FLNB: variants seen among roughly 807,000 people sequenced by gnomAD.
FLNB encodes filamin-B.
FLNB carries 111 observed loss-of-function variants against 250.6 expected under a neutral mutation model. That is an observed-to-expected ratio of 0.44 (90% CI 0.38 to 0.52). FLNB has a LOEUF of 0.52. FLNB is among the 20% of genes least tolerant of loss of function. The pLI, the probability that FLNB is intolerant of heterozygous loss-of-function variation, is 0.00. For synonymous variants in FLNB, 1,302 were observed against 1,372.1 expected (o/e 0.95, Z 1.13); for missense variants, 2,869 against 3,447.8 (o/e 0.83, Z 4.20).
At position 58,149,977 on chromosome 3, in the gene FLNB, C is replaced by G. The variant is rs1176979565; in HGVS notation, c.6219C>G (p.Thr2073=). The change falls in exon 37 of 46, where the codon ACC becomes ACG. Residue 2073 remains threonine (T), a synonymous_variant. Coordinates refer to ENST00000295956, the MANE Select transcript of FLNB (RefSeq NM_001457.4). ...TGCCTGGGGTTTATATCGTCTCCAC[C>G]AAATTCGCTGACGAGCACGTGCCTG... ...PTVPGVYIVS[T]KFADEHVPGS... is the part of the protein sequence containing the mutation. The G allele has an allele frequency of 7.4e-6, 12 of 1,614,266 alleles. No individual in the cohort carries two copies. Among genetic ancestry groups the G allele is most frequent in the Non-Finnish European group, 1.0e-5 (12 of 1,180,056 alleles).
At chr3:58,156,156 C>T (rs2097353080) in intron 41 of FLNB, 81 bp downstream of exon 41, 3 of 1,035,798 alleles carry the variant, frequency 2.9e-6, no homozygotes, top group African/African-American at 3.1e-5. Flanking sequence ...CTTCAATGTC[C>T]CCTTAGGTGC....
chr3:58,168,911 T>C (rs925072869), intron 44 of FLNB: 7 of 494,692 alleles, frequency 1.4e-5, no homozygotes, highest in African/African-American at 1.4e-4. Flanking sequence ...AAAGAATACA[T>C]ATTGAAATCT....
chr3:58,025,133 C>CTTTTTT (rs57706596), intron 1 of FLNB, among the ~76,000 whole-genome samples: 152 of 116,476 alleles, frequency 1.3e-3, no homozygotes, highest in Middle Eastern at 5.2e-3. Context: ...TTCTTTCTTT[C>CTTTTTT]TTTTTTTTTT....
intron 1 of FLNB, among the ~76,000 whole-genome samples, chr3:58,049,373 G>A (rs1002386767): frequency 1.3e-5 from 2 of 152,100 alleles, no homozygotes; most frequent in Non-Finnish European, 2.9e-5. Flanking sequence ...GCACTGGGGT[G>A]GGGGTTAGAT....
At chr3:58,012,295 T>G (rs927838811) in intron 1 of FLNB, among the ~76,000 whole-genome samples, 2 of 151,914 alleles carry the variant, frequency 1.3e-5, no homozygotes, top group Admixed American at 6.6e-5. Context: ...AGCCTGGTTG[T>G]TTGTTTCTGT....
chr3:58,082,813 G>T (rs1413109287), intron 4 of FLNB, among the ~76,000 whole-genome samples: 2 of 151,932 alleles, frequency 1.3e-5, no homozygotes, highest in Middle Eastern at 3.2e-3. Flanking sequence ...ATCCCAGTGG[G>T]ATAATAGTTA....
chr3:58,150,067 C>G, intron 37 of FLNB, 38 bp from the exon 38 acceptor site: 2 of 1,614,284 alleles, frequency 1.2e-6, no homozygotes, highest in Non-Finnish European at 1.7e-6. Flanking sequence ...GTGCCTTGGC[C>G]TCTGGCCTGC....
Position 58,081,764 on chromosome 3 carries a change from G to T in FLNB, c.775G>T (p.Ala259Ser), listed in dbSNP as rs1432733529. Reference sequence around the variant, plus strand: ...CAAACTCAACCCGAAGAAAGCCAGGGCCTATGGCAGAGGTGAGTGCTGGTC... The same window carrying T: ...CAAACTCAACCCGAAGAAAGCCAGGTCCTATGGCAGAGGTGAGTGCTGGTC... The part of the protein sequence containing the change: ...KPKLNPKKAR[A>S]YGRGIEPTGN... The change falls in exon 4 of 46, where the codon GCC becomes TCC. Residue 259 changes from alanine to serine, a missense_variant. Ala to Ser is a moderately conservative substitution (Grantham distance 99). Transcript: ENST00000295956. The T allele has an allele frequency of 1.4e-5, 22 of 1,614,130 alleles. No individual in the cohort carries two copies. Among genetic ancestry groups the T allele is most frequent in the Non-Finnish European group, 1.9e-5 (22 of 1,180,012 alleles).
At chr3:58,021,996 C>T (rs964451258) in intron 1 of FLNB, among the ~76,000 whole-genome samples, 14 of 152,156 alleles carry the variant, frequency 9.2e-5, no homozygotes, top group Admixed American at 7.9e-4. Context: ...TGGTCTTGAA[C>T]TCCTGGGCTC....
intron 1 of FLNB, among the ~76,000 whole-genome samples, chr3:58,050,263 C>T (rs746968067): frequency 2.0e-5 from 3 of 151,972 alleles, no homozygotes; most frequent in African/African-American, 7.2e-5. Flanking sequence ...CTCTTGACCT[C>T]GTTATCCACC....
intron 1 of FLNB, among the ~76,000 whole-genome samples, chr3:58,017,252 T>A (rs2097106971): frequency 2.0e-5 from 3 of 152,144 alleles, no homozygotes; most frequent in African/African-American, 7.2e-5. Context: ...CTATTCTATT[T>A]TTATTATTAT....
chr3:58,143,960 G>T (rs1229259887), intron 32 of FLNB, among the ~76,000 whole-genome samples: 1 of 152,168 alleles, frequency 6.6e-6, no homozygotes, highest in Non-Finnish European at 1.5e-5. Context: ...TGGGCTGGAG[G>T]CTTGGGGCCA....
intron 1 of FLNB, among the ~76,000 whole-genome samples, 160 bp from the exon 2 acceptor site, chr3:58,076,886 T>C (rs2097202494): frequency 6.6e-6 from 1 of 152,230 alleles, no homozygotes. Context: ...GTTTTTGTCC[T>C]CAAATGTTTT....
chr3:58,010,419 GGCAGCC>G (rs374216105), intron 1 of FLNB, among the ~76,000 whole-genome samples: 10 of 152,234 alleles, frequency 6.6e-5, no homozygotes, highest in African/African-American at 1.4e-4. Context: ...GGGCCCAGAT[GGCAGCC>G]GCACCACCCA....
intron 3 of FLNB, among the ~76,000 whole-genome samples, chr3:58,081,143 ATT>A (rs1460116859): frequency 1.3e-5 from 2 of 151,732 alleles, no homozygotes; most frequent in Admixed American, 1.3e-4. Context: ...CATATCTAAT[ATT>A]TACATGTTAT....
chr3:58,170,711 G>T lies in FLNB; in HGVS notation c.7758G>T (p.Lys2586Asn), dbSNP rs899257658. The change falls in exon 46 of 46, where the codon AAG becomes AAT. Residue 2586 changes from lysine (K) to asparagine (N), a missense_variant. Around this residue, in one of 5 missense-constraint regions of FLNB, gnomAD observed 1,084 missense variants for 1,315.5 expected, o/e 0.82. Transcript: ENST00000295956. Reference sequence around the variant, plus strand: ...GGGGCGATTATGTGCTGGCTGTGAAGTGGGGGGAGGAACACATCCCTGGCA... The same window carrying T: ...GGGGCGATTATGTGCTGGCTGTGAATTGGGGGGAGGAACACATCCCTGGCA... ...KERGDYVLAV[K>N]WGEEHIPGSP... The T allele has an allele frequency of 6.2e-7, 1 of 1,614,208 alleles. No individual in the cohort carries two copies. Among genetic ancestry groups the T allele is most frequent in the South Asian group, 1.1e-5 (1 of 91,078 alleles).
In FLNB at chr3:58,134,613, A is replaced by C; in HGVS notation, c.4515-3A>C. On this transcript the variant is annotated splice_region_variant and splice_polypyrimidine_tract_variant and intron_variant, in intron 26 of 45. Transcript: ENST00000295956. ...TAGGGTGTGTGTGTGTGTGTCTATC[A>C]AGTCCCTTCAAGGTCAAGGTCCTTC... is the stretch of plus-strand genomic sequence containing the variant. The C allele has an allele frequency of 1.2e-6, 2 of 1,614,016 alleles. No homozygotes were observed. The highest frequency in any genetic ancestry group is 2.2e-5 in the East Asian group (1 of 44,868).
rs1162216713 is a variant in FLNB at position 58,169,908 on chromosome 3, C to A, written c.7621+115C>A. 2.8e-6 allele frequency: 2 copies of A among 717,814 alleles called. No homozygotes were observed. Among genetic ancestry groups the A allele is most frequent in the Admixed American group, 2.6e-5 (1 of 38,156 alleles). 44.5% of individuals were successfully genotyped at this position (717,814 alleles called of 1,614,324 possible). ...CAGTGCCCACCCCCATGTAGGCCAG[C>A]CGTTTGCAAGTAACCATCGTCATGA... On this transcript the variant is annotated intron_variant, in intron 45 of 45. Transcript: ENST00000295956. The surrounding 1 kb of genome is among the most constrained non-coding windows in gnomAD (Gnocchi z 4.8).
At position 58,153,431 on chromosome 3, in the gene FLNB, G is replaced by A. The variant is rs774757964; in HGVS notation, c.6424G>A (p.Glu2142Lys). The A allele has an allele frequency of 2.5e-6, 4 of 1,614,140 alleles. No homozygotes were observed. The change falls in exon 39 of 46, where the codon GAG becomes AAG. Residue 2142 changes from glutamate (E) to lysine (K), a missense_variant. Physicochemically the swap from Glu to Lys is moderately conservative, Grantham distance 56. Around this residue, in one of 5 missense-constraint regions of FLNB, gnomAD observed 1,084 missense variants for 1,315.5 expected, o/e 0.82. Coordinates refer to ENST00000295956, the MANE Select transcript of FLNB (RefSeq NM_001457.4). ...HVTSPSGRVT[E>K]AEIVPMGKNS... ...CACCAGCCCCTCTGGCCGTGTGACTGAGGCAGAGATTGTGCCCATGGGGAA... is the reference window on the plus strand; with the variant it reads ...CACCAGCCCCTCTGGCCGTGTGACTAAGGCAGAGATTGTGCCCATGGGGAA...
Sources: gnomAD v4.1 joint callset for allele counts (sites outside exome capture counted in the v4.1 genomes callset) on GRCh38, gnomAD v4.1.1 for gene constraint, gnomAD v4.1.1 regional missense constraint, Gnocchi (gnomAD v3.1) non-coding constraint, MANE v1.5 for transcripts, NCBI Gene and HGNC (gene_info 2026-07-23, HGNC 2026-07-21) for gene names.